ARAP2: variants seen among roughly 807,000 people sequenced by gnomAD.
ARAP2 encodes the protein arf-GAP with Rho-GAP domain, ANK repeat and PH domain-containing protein 2.
Under a neutral mutation model 194.5 loss-of-function variants are expected in ARAP2, and 148 were observed. That is an observed-to-expected ratio of 0.76 (90% CI 0.67 to 0.87). The LOEUF (loss-of-function observed/expected upper bound fraction) is 0.87. Among genes scored for constraint, ARAP2 ranks in the 40% least tolerant of loss-of-function variants. The probability of loss-of-function intolerance (pLI) is 0.00; values close to 1 mark genes in which losing one functional copy is unlikely to be tolerated. For synonymous variants in ARAP2, 695 were observed against 683.5 expected (o/e 1.02, Z -0.26); for missense variants, 2,128 against 1,989.7 (o/e 1.07, Z -1.32).
At chr4:36,128,933 T>C (rs958664504) in intron 20 of ARAP2, among the ~76,000 whole-genome samples, 188 bp from the exon 21 acceptor site, 1 of 152,038 alleles carries the variant, frequency 6.6e-6, no homozygotes, top group Non-Finnish European at 1.5e-5. Context: ...AATGTAAACC[T>C]AATGAGCAAA....
At chr4:36,123,913 C>G (rs1723271848) in intron 22 of ARAP2, among the ~76,000 whole-genome samples, 1 of 151,710 alleles carries the variant, frequency 6.6e-6, no homozygotes, top group South Asian at 2.1e-4. Context: ...AGAAGCATCC[C>G]CTGGACCACA....
chr4:36,009,886 G>GGT lies in ARAP2; in HGVS notation n.1325+2676_1325+2677insAC, dbSNP rs1553859415. 3.0e-4 allele frequency among the ~76,000 whole-genome samples: 43 copies of GGT among 142,218 alleles called. 2 individuals are homozygous for GGT. The highest frequency in any genetic ancestry group is 5.4e-4 in the Non-Finnish European group (35 of 65,224). 93.3% of individuals were successfully genotyped at this position (142,218 alleles called of 152,430 possible). A position where few individuals can be genotyped will look rare whatever the true frequency, so the allele number is the denominator to read the frequency against. ...AGAAGCTCCTTGTTTTTTTTGGCGGGGGGTAGGGGGGTGGAATCATCAGTG... is the reference window on the plus strand; with the variant it reads ...AGAAGCTCCTTGTTTTTTTTGGCGGGGTGGGTAGGGGGGTGGAATCATCAGTG... On this transcript the variant is annotated intron_variant and non_coding_transcript_variant, in intron 9 of 12. Coordinates refer to the ARAP2 transcript ENST00000503225.
At chr4:36,009,780 G>A (rs1286975737) in intron 9 of ARAP2, among the ~76,000 whole-genome samples, 2 of 107,692 alleles carry the variant, frequency 1.9e-5, no homozygotes, top group African/African-American at 3.4e-5. Flanking sequence ...ATAGAAGCCA[G>A]GGGATGAAAA....
chr4:36,087,906 G>A (rs1426157320), intron 28 of ARAP2, among the ~76,000 whole-genome samples: 1 of 152,058 alleles, frequency 6.6e-6, no homozygotes, highest in Admixed American at 6.6e-5. Flanking sequence ...TGTGATTTTG[G>A]ACAAGTTATG....
intron 26 of ARAP2, among the ~76,000 whole-genome samples, chr4:36,110,055 A>C (rs1483852227): frequency 2.0e-5 from 3 of 151,876 alleles, no homozygotes; most frequent in Non-Finnish European, 4.4e-5. Context: ...AGGAAACCTA[A>C]GGATCACAAA....
chr4:36,086,357 GC>G (rs1257543728), intron 28 of ARAP2, among the ~76,000 whole-genome samples: 2 of 152,086 alleles, frequency 1.3e-5, no homozygotes, highest in African/African-American at 4.8e-5. Context: ...GGAATTGACT[GC>G]CCAAGTCACT....
At chr4:36,110,895 T>C (rs764773682) in intron 26 of ARAP2, among the ~76,000 whole-genome samples, 3 of 151,976 alleles carry the variant, frequency 2.0e-5, no homozygotes, top group Non-Finnish European at 4.4e-5. Context: ...TTTAAGAATC[T>C]ATTTGCATCA....
chr4:36,222,863 C>T (rs1340696562), intron 2 of ARAP2, among the ~76,000 whole-genome samples: 1 of 151,856 alleles, frequency 6.6e-6, no homozygotes, highest in Non-Finnish European at 1.5e-5. Context: ...TTAAATATGA[C>T]TCATACTACA....
At chr4:36,089,812 T>C (rs942172583) in intron 28 of ARAP2, among the ~76,000 whole-genome samples, 3 of 152,094 alleles carry the variant, frequency 2.0e-5, no homozygotes, top group Admixed American at 2.0e-4. Context: ...GAAGAGCTCT[T>C]TATACTCCTG....
intron 28 of ARAP2, 26 bp downstream of exon 28, chr4:36,091,855 A>C: frequency 6.4e-7 from 1 of 1,551,580 alleles, no homozygotes. Context: ...CACAAATAAA[A>C]ATGTACGCAT....
chr4:36,054,814 A>C (rs1274702276), intron 2 of ARAP2, among the ~76,000 whole-genome samples: 1 of 152,220 alleles, frequency 6.6e-6, no homozygotes, highest in African/African-American at 2.4e-5. Flanking sequence ...CATATTACAC[A>C]GTCATCAGAG....
chr4:36,101,647 AT>A (rs970986984), intron 27 of ARAP2, among the ~76,000 whole-genome samples: 1 of 151,918 alleles, frequency 6.6e-6, no homozygotes, highest in African/African-American at 2.4e-5. Flanking sequence ...ATTCAGATAT[AT>A]TTTCTTTCAT....
At chr4:36,035,619 T>C (rs557995329) in intron 5 of ARAP2, among the ~76,000 whole-genome samples, 35 of 152,230 alleles carry the variant, frequency 2.3e-4, no homozygotes, top group African/African-American at 7.0e-4. Flanking sequence ...TCCAAATCCT[T>C]ACCAAAACTT....
chr4:36,059,476 C>T (rs897272411), intron 1 of ARAP2, among the ~76,000 whole-genome samples: 1 of 152,036 alleles, frequency 6.6e-6, no homozygotes, highest in Non-Finnish European at 1.5e-5. Context: ...GCACCTGAGT[C>T]CCGGACAAGG....
intron 22 of ARAP2, among the ~76,000 whole-genome samples, chr4:36,122,522 C>T (rs1402363950): frequency 6.6e-6 from 1 of 151,678 alleles, no homozygotes; most frequent in Non-Finnish European, 1.5e-5. Flanking sequence ...GAACAGAAAA[C>T]CAAATACTGT....
intron 27 of ARAP2, among the ~76,000 whole-genome samples, chr4:36,097,171 C>T (rs570851067): frequency 2.3e-4 from 35 of 152,056 alleles, no homozygotes; most frequent in African/African-American, 7.5e-4. Flanking sequence ...GTAACATTTA[C>T]TTTAACAATC....
At chr4:36,061,094 A>T (rs997800068), downstream of ARAP2, among the ~76,000 whole-genome samples, 4 of 152,170 alleles carry the variant, frequency 2.6e-5, no homozygotes, top group Admixed American at 1.3e-4. Flanking sequence ...TTATGGGTAC[A>T]TAGTAGGTGT....
At chr4:36,155,362 C>T (rs559223558) in intron 15 of ARAP2, among the ~76,000 whole-genome samples, 1 of 152,202 alleles carries the variant, frequency 6.6e-6, no homozygotes, top group Non-Finnish European at 1.5e-5. Context: ...AGTGGGCTCA[C>T]ACTTTAGCAG....
chr4:36,228,019 A>G (rs1468918767), intron 2 of ARAP2, among the ~76,000 whole-genome samples: 1 of 152,134 alleles, frequency 6.6e-6, no homozygotes, highest in African/African-American at 2.4e-5. Context: ...GCCTAGCTTC[A>G]TACTGAGCTG....
Sources: gnomAD v4.1 joint callset for allele counts (sites outside exome capture counted in the v4.1 genomes callset) on GRCh38, gnomAD v4.1.1 for gene constraint, MANE v1.5 for transcripts, NCBI Gene and HGNC (gene_info 2026-07-23, HGNC 2026-07-21) for gene names.